RUFY3: variants seen among roughly 807,000 people sequenced by gnomAD.
RUFY3 encodes RUN and FYVE domain containing 3, also known as protein RUFY3.
In RUFY3, 34 loss-of-function variants were observed where a neutral mutation model predicts 84.0. The observed-to-expected ratio is 0.40, with a 90% CI of 0.31 to 0.54. RUFY3 has a LOEUF of 0.54. Ranked by LOEUF, RUFY3 falls within the 20% of genes least tolerant of loss-of-function variation. The probability of loss-of-function intolerance (pLI) is 0.39; values close to 1 mark genes in which losing one functional copy is unlikely to be tolerated. For synonymous variants in RUFY3, 242 were observed against 252.9 expected (o/e 0.96, Z 0.41); for missense variants, 507 against 736.8 (o/e 0.69, Z 3.61).
chr4:70,788,777 G>A, intron 10 of RUFY3, 29 bp from the exon 11 acceptor site: 1 of 1,611,590 alleles, frequency 6.2e-7, no homozygotes, highest in South Asian at 1.1e-5. Flanking sequence ...GGAACAGAGT[G>A]TAAGCAATTT....
At chr4:70,772,817 C>T (rs1207314637) in intron 5 of RUFY3, among the ~76,000 whole-genome samples, 1 of 151,980 alleles carries the variant, frequency 6.6e-6, no homozygotes, top group Non-Finnish European at 1.5e-5. Context: ...TGTGCCACCA[C>T]ACCCAGCTAA....
intron 1 of RUFY3, among the ~76,000 whole-genome samples, chr4:70,758,802 G>A (rs2148694874): frequency 6.6e-6 from 1 of 152,182 alleles, no homozygotes; most frequent in South Asian, 2.1e-4. Context: ...ACTTGTGGGA[G>A]GCCGAGGCAG....
At chr4:70,778,344 CTTTT>C (rs754744653) in intron 7 of RUFY3, 21 bp from the exon 8 acceptor site, 6 of 1,383,546 alleles carry the variant, frequency 4.3e-6, no homozygotes, top group South Asian at 1.2e-5. Flanking sequence ...TCAAAAGTGA[CTTTT>C]TTTTCTTCTC....
intron 5 of RUFY3, 31 bp from the exon 6 acceptor site, chr4:70,773,480 T>G: frequency 6.5e-7 from 1 of 1,536,732 alleles, no homozygotes; most frequent in Non-Finnish European, 9.0e-7. Context: ...ATATCTAATT[T>G]TATATTAAAA....
chr4:70,791,202 A>G, intron 12 of RUFY3: 3 of 1,600,000 alleles, frequency 1.9e-6, no homozygotes, highest in Non-Finnish European at 2.6e-6. Flanking sequence ...CTTTCACTTC[A>G]TTGTCATTTT....
chr4:70,726,006 A>G (rs904629480), intron 1 of RUFY3, among the ~76,000 whole-genome samples: 5 of 152,276 alleles, frequency 3.3e-5, no homozygotes, highest in Non-Finnish European at 7.3e-5. Context: ...GTAACATAAA[A>G]TAAGATTTGT....
chr4:70,783,777 G>A (rs1019585978), intron 9 of RUFY3, among the ~76,000 whole-genome samples: 2 of 152,142 alleles, frequency 1.3e-5, no homozygotes, highest in Non-Finnish European at 2.9e-5. Context: ...CACTTTAGGA[G>A]GCTATTGAAA....
chr4:70,729,078 A>T (rs1317285803), intron 1 of RUFY3, among the ~76,000 whole-genome samples: 3 of 152,178 alleles, frequency 2.0e-5, no homozygotes, highest in Non-Finnish European at 4.4e-5. Flanking sequence ...AATTAGTACA[A>T]TAATGGGGTT....
At chr4:70,756,080 T>G (rs997595083) in intron 1 of RUFY3, among the ~76,000 whole-genome samples, 1 of 152,172 alleles carries the variant, frequency 6.6e-6, no homozygotes, top group African/African-American at 2.4e-5. Flanking sequence ...ACCAATGTGA[T>G]CTGCACCATC....
chr4:70,783,125 A>G lies in RUFY3; in HGVS notation c.929A>G (p.Gln310Arg). ...AVANNRIITLQEEMERVKEES... is the reference protein window; with the variant it reads ...AVANNRIITLREEMERVKEES... ...GCAAACAACAGGATCATTACCTTACAAGAAGAAATGGAACGAGTTAAAGAG... is the reference window on the plus strand; with the variant it reads ...GCAAACAACAGGATCATTACCTTACGAGAAGAAATGGAACGAGTTAAAGAG... The change falls in exon 9 of 18, where the codon CAA becomes CGA. Residue 310 changes from glutamine (Q) to arginine (R), a missense_variant. This residue lies in a region of RUFY3 where 334 missense variants were observed against 364.1 expected (regional missense o/e 0.92). Coordinates refer to ENST00000381006, the MANE Select transcript of RUFY3 (RefSeq NM_001037442.4). 6.2e-7 allele frequency: 1 copy of G among 1,612,026 alleles called. No homozygotes were observed. The highest frequency in any genetic ancestry group is 8.5e-7 in the Non-Finnish European group (1 of 1,178,668).
chr4:70,709,444 G>T (rs959042146), intron 1 of RUFY3, among the ~76,000 whole-genome samples: 1 of 152,158 alleles, frequency 6.6e-6, no homozygotes, highest in Non-Finnish European at 1.5e-5. Flanking sequence ...CTTATTGGAG[G>T]ATGCCCACTT....
chr4:70,766,381 A>C lies in RUFY3; in HGVS notation c.572+1805A>C, dbSNP rs143445975. Among the ~76,000 whole-genome samples, 216 of 151,752 alleles carry C rather than the reference A, an allele frequency of 1.4e-3. 1 individual carries two copies. Among genetic ancestry groups the C allele is most frequent in the Non-Finnish European group, 2.6e-3 (176 of 67,918 alleles). ...TGCCTCAGCCTCCCGAGTAGATGGGACTATAGGCATGCACCACCACACCTG... is the reference window on the plus strand; with the variant it reads ...TGCCTCAGCCTCCCGAGTAGATGGGCCTATAGGCATGCACCACCACACCTG... On this transcript the variant is annotated intron_variant, in intron 4 of 17. Transcript: ENST00000381006.
At chr4:70,736,695 C>G (rs937717216) in intron 1 of RUFY3, among the ~76,000 whole-genome samples, 6 of 152,090 alleles carry the variant, frequency 3.9e-5, no homozygotes, top group Admixed American at 1.3e-4. Context: ...CCTCAGCCTC[C>G]CAAGTAGCTG....
At chr4:70,777,166 C>T (rs1231116839) in intron 7 of RUFY3, among the ~76,000 whole-genome samples, 6 of 152,164 alleles carry the variant, frequency 3.9e-5, no homozygotes, top group Non-Finnish European at 8.8e-5. Context: ...AGAGGGAGAA[C>T]AGTATCTTAT....
chr4:70,804,946 A>T (rs958056676), intron 17 of RUFY3, among the ~76,000 whole-genome samples: 3 of 151,996 alleles, frequency 2.0e-5, no homozygotes, highest in East Asian at 3.9e-4. Context: ...ATAAATAAAC[A>T]AACAAAAATA....
chr4:70,761,208 A>G (rs1209616282), intron 1 of RUFY3, among the ~76,000 whole-genome samples: 1 of 152,210 alleles, frequency 6.6e-6, no homozygotes, highest in Non-Finnish European at 1.5e-5. Context: ...TAAAGAGAGC[A>G]TTAGCTTTCA....
intron 8 of RUFY3, among the ~76,000 whole-genome samples, chr4:70,781,284 G>A (rs1020862721): frequency 2.6e-5 from 4 of 152,098 alleles, no homozygotes; most frequent in Admixed American, 1.3e-4. Flanking sequence ...AAGAGTTCAA[G>A]ATTAGGCTGG....
intron 7 of RUFY3, 150 bp from the exon 8 acceptor site, chr4:70,778,219 A>G (rs1283885715): frequency 1.7e-5 from 6 of 349,942 alleles, no homozygotes; most frequent in Non-Finnish European, 3.1e-5. Context: ...TCAGCGACAC[A>G]ACGAGACTCC....
In RUFY3 at chr4:70,764,586, C is replaced by T. The variant is rs748106390; in HGVS notation, c.572+10C>T. 2.0e-5 allele frequency: 30 copies of T among 1,472,750 alleles called. No individual in the cohort carries two copies. Among genetic ancestry groups the T allele is most frequent in the Non-Finnish European group, 2.6e-5 (28 of 1,057,194 alleles). The allele number at this position is 1,472,750 out of a possible 1,614,324, so 91.2% of individuals were successfully genotyped here. ...AGAAAGAACTTCTCAGGTATGAACACCTTCTTGAACTTTCTTCTTTCCTTG... is the reference window on the plus strand; with the variant it reads ...AGAAAGAACTTCTCAGGTATGAACATCTTCTTGAACTTTCTTCTTTCCTTG... On this transcript the variant is annotated intron_variant, in intron 4 of 17. Coordinates refer to ENST00000381006, the MANE Select transcript of RUFY3 (RefSeq NM_001037442.4).
Sources: allele counts gnomAD v4.1 joint callset (sites outside exome capture counted in the v4.1 genomes callset), GRCh38; gene constraint gnomAD v4.1.1; regional missense constraint gnomAD v4.1.1; transcripts MANE v1.5; gene names NCBI Gene and HGNC (gene_info 2026-07-23, HGNC 2026-07-21).